The following VOPP1 variants were observed in gnomAD, a reference collection of about 807,000 sequenced individuals.
The protein encoded by VOPP1 is VOPP1 WW domain binding protein, also known as WW domain binding protein VOPP1.
VOPP1 carries 8 observed loss-of-function variants against 23.5 expected under a neutral mutation model. The ratio of observed to expected loss-of-function variants is 0.34; its 90% CI spans 0.20 to 0.61. The LOEUF (loss-of-function observed/expected upper bound fraction) is 0.61. Among genes scored for constraint, VOPP1 ranks in the 20% least tolerant of loss-of-function variants. The pLI, the probability that VOPP1 is intolerant of heterozygous loss-of-function variation, is 0.78. For missense variants in VOPP1, 174 were observed against 238.1 expected, an observed-to-expected ratio of 0.73 and a Z score of 1.77; for synonymous variants, 83 against 97.3, an observed-to-expected ratio of 0.85 and a Z score of 0.86.
At chr7:55,571,540 G>T (rs1584143499) in intron 1 of VOPP1, among the ~76,000 whole-genome samples, 1 of 152,226 alleles carries the variant, frequency 6.6e-6, no homozygotes. Context: ...TTAGTGAGAA[G>T]TATGTGGCCC....
chr7:55,524,911 C>G (rs910512014), intron 1 of VOPP1, among the ~76,000 whole-genome samples: 1 of 152,190 alleles, frequency 6.6e-6, no homozygotes, highest in Non-Finnish European at 1.5e-5. Context: ...CAAAGCCAGA[C>G]AGCTAGAGCT....
intron 1 of VOPP1, among the ~76,000 whole-genome samples, chr7:55,556,951 A>G (rs1040209833): frequency 2.0e-5 from 3 of 152,178 alleles, no homozygotes; most frequent in Non-Finnish European, 4.4e-5. Context: ...CCTAGAGCCA[A>G]TCAAATTGCT....
At chr7:55,490,059 G>A (rs1793452372) in intron 4 of VOPP1, among the ~76,000 whole-genome samples, 1 of 152,082 alleles carries the variant, frequency 6.6e-6, no homozygotes, top group Admixed American at 6.5e-5. Context: ...GAGGAGCGGG[G>A]ATGGGTCTGA....
At position 55,521,070 on chromosome 7, in the gene VOPP1, A is replaced by C; in HGVS notation, c.113+2T>G. The C allele has an allele frequency of 4.4e-6, 7 of 1,574,940 alleles. No homozygotes were observed. Among genetic ancestry groups the C allele is most frequent in the Non-Finnish European group, 6.0e-6 (7 of 1,159,104 alleles). ...AAACCACAGAAAGGTGCAAATACTT[A>C]CATATAATAGGTTGGATAGAGTCCT... is the stretch of plus-strand genomic sequence containing the variant. On this transcript the variant is annotated splice_donor_variant, in intron 2 of 4. Coordinates refer to ENST00000285279, the MANE Select transcript of VOPP1 (RefSeq NM_030796.5). LOFTEE classifies it high-confidence loss of function.
chr7:55,535,663 A>G (rs1796742632), intron 1 of VOPP1, among the ~76,000 whole-genome samples: 1 of 152,234 alleles, frequency 6.6e-6, no homozygotes, highest in South Asian at 2.1e-4. Context: ...AGACTTCCAG[A>G]AGGTGAGTTG....
intron 4 of VOPP1, among the ~76,000 whole-genome samples, chr7:55,453,104 A>T (rs1791284538): frequency 6.6e-6 from 1 of 152,230 alleles, no homozygotes; most frequent in Non-Finnish European, 1.5e-5. Context: ...GATCTTCTGC[A>T]TTACTTGCTG....
At chr7:55,546,974 C>T (rs574410681) in intron 1 of VOPP1, among the ~76,000 whole-genome samples, 2 of 152,252 alleles carry the variant, frequency 1.3e-5, no homozygotes, top group Non-Finnish European at 2.9e-5. Context: ...CACTGATGAG[C>T]GAGTCAGAGC....
chr7:55,454,060 A>C (rs1467069770), intron 4 of VOPP1, among the ~76,000 whole-genome samples: 1 of 152,218 alleles, frequency 6.6e-6, no homozygotes, highest in Non-Finnish European at 1.5e-5. Context: ...GACATATAAC[A>C]ATTATATGCA....
At chr7:55,569,155 T>C (rs1290187871) in intron 1 of VOPP1, among the ~76,000 whole-genome samples, 1 of 152,206 alleles carries the variant, frequency 6.6e-6, no homozygotes, top group African/African-American at 2.4e-5. Flanking sequence ...GTCAGTCCAG[T>C]AATGAGCTTC....
intron 4 of VOPP1, among the ~76,000 whole-genome samples, chr7:55,461,305 G>A (rs947984054): frequency 6.6e-6 from 1 of 151,932 alleles, no homozygotes; most frequent in Non-Finnish European, 1.5e-5. Context: ...TGGGTGATGG[G>A]TGCATCAAAA....
chr7:55,518,103 T>A (rs1448586130), intron 2 of VOPP1, among the ~76,000 whole-genome samples: 2 of 152,154 alleles, frequency 1.3e-5, no homozygotes. Context: ...GGTTATGTTC[T>A]TATGGGACTT....
intron 4 of VOPP1, among the ~76,000 whole-genome samples, chr7:55,488,743 C>T (rs1793338875): frequency 6.6e-6 from 1 of 151,844 alleles, no homozygotes; most frequent in African/African-American, 2.4e-5. Context: ...TCTTCATTAA[C>T]AGGCATCCCA....
intron 4 of VOPP1, among the ~76,000 whole-genome samples, chr7:55,448,700 G>C (rs1454410534): frequency 6.6e-6 from 1 of 152,218 alleles, no homozygotes; most frequent in African/African-American, 2.4e-5. Context: ...GCAGGACCAG[G>C]TCTGGGGGAC....
chr7:55,520,103 G>A (rs1462430608), intron 2 of VOPP1, among the ~76,000 whole-genome samples: 2 of 152,044 alleles, frequency 1.3e-5, no homozygotes, highest in Non-Finnish European at 2.9e-5. Flanking sequence ...ACTCCAGCCT[G>A]GTGATACAGC....
chr7:55,493,785 A>G (rs1212618566), intron 3 of VOPP1, among the ~76,000 whole-genome samples: 1 of 152,248 alleles, frequency 6.6e-6, no homozygotes, highest in Non-Finnish European at 1.5e-5. Context: ...TAAGTGCTAA[A>G]AAAGAAAAAT....
intron 1 of VOPP1, among the ~76,000 whole-genome samples, chr7:55,561,468 T>C (rs565190419): frequency 6.6e-6 from 1 of 152,016 alleles, no homozygotes; most frequent in Non-Finnish European, 1.5e-5. Context: ...CCCAGCTCTC[T>C]GGGAGGCCAA....
At chr7:55,552,999 C>T (rs939977855) in intron 1 of VOPP1, 39 of 328,012 alleles carry the variant, frequency 1.2e-4, no homozygotes, top group Non-Finnish European at 1.9e-4. Flanking sequence ...CCATTCCAAT[C>T]AAAGTCAGGT....
intron 4 of VOPP1, among the ~76,000 whole-genome samples, chr7:55,438,101 C>T (rs1035587442): frequency 3.3e-5 from 5 of 152,040 alleles, no homozygotes; most frequent in African/African-American, 1.2e-4. Flanking sequence ...CAGGGTTTCA[C>T]TATGTTGGCC....
chr7:55,475,371 C>A (rs759154390), intron 4 of VOPP1, among the ~76,000 whole-genome samples: 1 of 152,070 alleles, frequency 6.6e-6, no homozygotes, highest in East Asian at 1.9e-4. Flanking sequence ...ACAGGTTTGG[C>A]GGAGCGGTGG....
Sources: allele counts gnomAD v4.1 joint callset (sites outside exome capture counted in the v4.1 genomes callset), GRCh38; gene constraint gnomAD v4.1.1; transcripts MANE v1.5; gene names NCBI Gene and HGNC (gene_info 2026-07-23, HGNC 2026-07-21).